APBB2: variants seen among roughly 807,000 people sequenced by gnomAD.
APBB2 encodes the protein Fe65-like 1.
A neutral mutation model predicts 82.5 loss-of-function variants in APBB2; 38 were observed. The observed-to-expected ratio is 0.46, with a 90% CI of 0.36 to 0.60. The LOEUF (loss-of-function observed/expected upper bound fraction) is 0.60. Among genes scored for constraint, APBB2 ranks in the 20% least tolerant of loss-of-function variants. The pLI, the probability that APBB2 is intolerant of heterozygous loss-of-function variation, is 0.00. For missense variants in APBB2, 772 were observed against 972.3 expected, an observed-to-expected ratio of 0.79 and a Z score of 2.74; for synonymous variants, 341 against 368.2, an observed-to-expected ratio of 0.93 and a Z score of 0.85.
At chr4:40,913,579 A>G (rs1322831583) in intron 10 of APBB2, among the ~76,000 whole-genome samples, 2 of 151,834 alleles carry the variant, frequency 1.3e-5, no homozygotes, top group Non-Finnish European at 2.9e-5. Flanking sequence ...CAAAGTCCAT[A>G]CTCCTGGTGC....
intron 13 of APBB2, among the ~76,000 whole-genome samples, chr4:40,830,214 A>G (rs1303207481): frequency 6.7e-6 from 1 of 150,084 alleles, no homozygotes; most frequent in African/African-American, 2.4e-5. Context: ...ACACACACAT[A>G]TATATATATA....
At chr4:41,172,895 A>T in intron 1 of APBB2, among the ~76,000 whole-genome samples, 1 of 152,192 alleles carries the variant, frequency 6.6e-6, no homozygotes, top group East Asian at 1.9e-4. Context: ...ATATTGAAAA[A>T]CTTCAAGTTG....
intron 6 of APBB2, among the ~76,000 whole-genome samples, chr4:40,964,753 A>AACACACACACACACACACACAC (rs61087697): frequency 0.046 from 6,438 of 139,652 alleles, 217 homozygotes; most frequent in Middle Eastern, 0.081. Flanking sequence ...CCATTGAATA[A>AACACACACACACACACACACAC]ACACACACAC....
chr4:40,919,712 T>C (rs1483067839), intron 10 of APBB2, among the ~76,000 whole-genome samples: 3 of 152,198 alleles, frequency 2.0e-5, no homozygotes, highest in Admixed American at 2.0e-4. Context: ...TGAAAATATT[T>C]TGAGGACAGT....
intron 2 of APBB2, among the ~76,000 whole-genome samples, chr4:41,119,149 A>AT (rs11384154): frequency 0.99 from 144,897 of 146,684 alleles, 71,578 homozygotes; most frequent in South Asian, 1. Flanking sequence ...AAAATAATTG[A>AT]TTTTTTTTTT....
intron 4 of APBB2, among the ~76,000 whole-genome samples, chr4:41,038,225 AATAAAT>A (rs1720011544): frequency 6.6e-6 from 1 of 151,928 alleles, no homozygotes; most frequent in Admixed American, 6.6e-5. Context: ...TAAATAAATA[AATAAAT>A]AAATAGATAA....
chr4:41,187,245 G>A (rs919538102), intron 1 of APBB2, among the ~76,000 whole-genome samples: 1 of 152,110 alleles, frequency 6.6e-6, no homozygotes, highest in Non-Finnish European at 1.5e-5. Flanking sequence ...AAAATGGTGG[G>A]ATTTCAGGTG....
At chr4:41,059,096 C>T (rs1022039385) in intron 4 of APBB2, among the ~76,000 whole-genome samples, 7 of 152,174 alleles carry the variant, frequency 4.6e-5, no homozygotes, top group Admixed American at 2.6e-4. Context: ...AAAATTTAAA[C>T]GGCTCCCACC....
At chr4:40,957,804 G>A (rs903303833) in intron 6 of APBB2, among the ~76,000 whole-genome samples, 2 of 152,026 alleles carry the variant, frequency 1.3e-5, no homozygotes, top group Non-Finnish European at 2.9e-5. Flanking sequence ...GGCTGGTCTC[G>A]AACTCCTGAC....
intron 2 of APBB2, among the ~76,000 whole-genome samples, chr4:41,114,869 A>C (rs1750447798): frequency 6.6e-6 from 1 of 152,242 alleles, no homozygotes; most frequent in African/African-American, 2.4e-5. Flanking sequence ...GATAGGAAGA[A>C]TCAATATTGT....
chr4:41,161,115 A>G (rs1455108405), intron 1 of APBB2, among the ~76,000 whole-genome samples: 1 of 144,720 alleles, frequency 6.9e-6, no homozygotes, highest in African/African-American at 2.6e-5. Context: ...AATTACACCA[A>G]CTCAAACTGA....
At chr4:40,868,183 G>T (rs574505234) in intron 12 of APBB2, among the ~76,000 whole-genome samples, 1 of 152,296 alleles carries the variant, frequency 6.6e-6, no homozygotes, top group African/African-American at 2.4e-5. Context: ...TCCACAGACA[G>T]AATTAGTGTC....
At chr4:41,057,272 GA>G (rs1257154563) in intron 4 of APBB2, among the ~76,000 whole-genome samples, 1 of 152,044 alleles carries the variant, frequency 6.6e-6, no homozygotes, top group Non-Finnish European at 1.5e-5. Context: ...CCAAAATGGT[GA>G]AACCCCCTCT....
intron 6 of APBB2, among the ~76,000 whole-genome samples, chr4:40,953,605 A>C (rs2154385210): frequency 6.6e-6 from 1 of 152,312 alleles, no homozygotes; most frequent in African/African-American, 2.4e-5. Flanking sequence ...ATTCTGCTCC[A>C]GTAAATCCAG....
At chr4:40,939,321 C>T (rs904616079) in intron 7 of APBB2, among the ~76,000 whole-genome samples, 1 of 152,180 alleles carries the variant, frequency 6.6e-6, no homozygotes, top group African/African-American at 2.4e-5. Context: ...GGCCTCCCAT[C>T]AATGTGCAGA....
intron 2 of APBB2, among the ~76,000 whole-genome samples, chr4:41,139,481 G>T (rs1199723037): frequency 6.6e-6 from 1 of 152,102 alleles, no homozygotes; most frequent in Non-Finnish European, 1.5e-5. Flanking sequence ...AATGTTTCCA[G>T]CAGTATTGTT....
At position 40,869,611 on chromosome 4, in the gene APBB2, C is replaced by T. The variant is rs139379748; in HGVS notation, c.1529+20753G>A. Among the ~76,000 whole-genome samples the T allele has an allele frequency of 3.3e-3, 501 of 151,598 alleles. 5 individuals carry two copies. The highest frequency in any genetic ancestry group is 0.012 in the African/African-American group (479 of 41,326). Reference sequence around the variant, plus strand: ...TCCAAAGAAAAAAAATAAAAGAGGCCTAAAAATAAGGCAAATGTCTAAAGG... The same window carrying T: ...TCCAAAGAAAAAAAATAAAAGAGGCTTAAAAATAAGGCAAATGTCTAAAGG... On this transcript the variant is annotated intron_variant, in intron 12 of 17. Transcript: ENST00000508593.
intron 6 of APBB2, among the ~76,000 whole-genome samples, chr4:40,973,934 C>T (rs2154399722): frequency 6.6e-6 from 1 of 151,918 alleles, no homozygotes; most frequent in Non-Finnish European, 1.5e-5. Flanking sequence ...TCACTGCAAC[C>T]TCCGCCCCCC....
intron 10 of APBB2, among the ~76,000 whole-genome samples, chr4:40,907,227 C>G (rs997374672): frequency 1.3e-5 from 2 of 151,542 alleles, no homozygotes; most frequent in South Asian, 4.2e-4. Context: ...GTCCTAACCC[C>G]CAATGTGACT....
Sources: allele counts gnomAD v4.1 joint callset (sites outside exome capture counted in the v4.1 genomes callset), GRCh38; gene constraint gnomAD v4.1.1; transcripts MANE v1.5; gene names NCBI Gene and HGNC (gene_info 2026-07-23, HGNC 2026-07-21).